Variants in AFG2B observed in about 807,000 individuals in gnomAD.
AFG2B encodes the protein AAA ATPase AFG2B, also known as ATPase family gene 2 protein homolog B.
the AFG2B span, chr15:45,414,676 C>G: frequency 6.2e-7 from 1 of 1,614,166 alleles, no homozygotes. Context: ...TAAAACCACT[C>G]TGGTGAGGGC....
the AFG2B span, chr15:45,407,274 T>C: frequency 8.6e-7 from 1 of 1,166,162 alleles, no homozygotes; most frequent in East Asian, 5.9e-5. Context: ...GGGCTGCTGC[T>C]ACCTCTCCCT....
At chr15:45,418,914 G>A in the AFG2B span, among the ~76,000 whole-genome samples, 16 of 152,110 alleles carry the variant, frequency 1.1e-4, no homozygotes, top group African/African-American at 3.4e-4. Context: ...AGTGAGTTGC[G>A]GAAGTAGAGG....
At chr15:45,417,451 C>CT in the AFG2B span, 1 of 1,600,996 alleles carries the variant, frequency 6.2e-7, no homozygotes, top group Non-Finnish European at 8.5e-7. Flanking sequence ...TGAATTCCAA[C>CT]TTGGATATAG....
At chr15:45,417,945 A>G in the AFG2B span, among the ~76,000 whole-genome samples, 2 of 152,202 alleles carry the variant, frequency 1.3e-5, no homozygotes, top group Non-Finnish European at 2.9e-5. Flanking sequence ...TCAAGTTTTG[A>G]AGGGATAGAA....
At chr15:45,420,515 C>G in the AFG2B span, among the ~76,000 whole-genome samples, 1 of 152,134 alleles carries the variant, frequency 6.6e-6, no homozygotes, top group Non-Finnish European at 1.5e-5. Context: ...CCTTTTCTTT[C>G]TTCTCATTTA....
the AFG2B span, among the ~76,000 whole-genome samples, chr15:45,418,378 T>G: frequency 6.6e-6 from 1 of 151,866 alleles, no homozygotes; most frequent in Non-Finnish European, 1.5e-5. Context: ...CATAAGTTTT[T>G]TATGATGTCG....
chr15:45,418,606 C>T, the AFG2B span: 9 of 1,613,854 alleles, frequency 5.6e-6, no homozygotes, highest in African/African-American at 1.1e-4. Context: ...CCAATAGGGC[C>T]TGATGTCTCC....
At chr15:45,402,554 G>T in the AFG2B span, 3 of 1,586,300 alleles carry the variant, frequency 1.9e-6, no homozygotes, top group Non-Finnish European at 2.6e-6. Flanking sequence ...CTGGGCGCGC[G>T]CTTGGGCTCG....
At chr15:45,415,675 C>T in the AFG2B span, 1 of 1,614,066 alleles carries the variant, frequency 6.2e-7, no homozygotes, top group East Asian at 2.2e-5. Context: ...GCCAGCAAGA[C>T]AGGATGTGAT....
the AFG2B span, among the ~76,000 whole-genome samples, chr15:45,403,882 TC>T: frequency 1.3e-5 from 2 of 152,198 alleles, no homozygotes; most frequent in East Asian, 3.8e-4. Context: ...CGTGTTAAAC[TC>T]ATTTTTTGGA....
At chr15:45,412,301 T>C in the AFG2B span, among the ~76,000 whole-genome samples, 1 of 152,048 alleles carries the variant, frequency 6.6e-6, no homozygotes, top group East Asian at 1.9e-4. Flanking sequence ...CTGGGAAGGC[T>C]GAGGCAGGAG....
chr15:45,413,073 T>A, the AFG2B span, among the ~76,000 whole-genome samples: 1 of 152,232 alleles, frequency 6.6e-6, no homozygotes, highest in South Asian at 2.1e-4. Context: ...CATTGTCTCA[T>A]TTAATGTTCA....
the AFG2B span, among the ~76,000 whole-genome samples, chr15:45,419,328 G>T: frequency 2.0e-5 from 3 of 152,008 alleles, no homozygotes; most frequent in Non-Finnish European, 4.4e-5. Context: ...TCCCAGCTAC[G>T]TGGGGGACTA....
At chr15:45,410,937 C>A in the AFG2B span, among the ~76,000 whole-genome samples, 1 of 152,124 alleles carries the variant, frequency 6.6e-6, no homozygotes, top group South Asian at 2.1e-4. Context: ...CGCAGTGGCT[C>A]ATACCTATAA....
chr15:45,412,704 T>C, the AFG2B span, among the ~76,000 whole-genome samples: 1 of 152,174 alleles, frequency 6.6e-6, no homozygotes, highest in Non-Finnish European at 1.5e-5. Flanking sequence ...AAGGCCTTAG[T>C]TTGCCTGGAT....
the AFG2B span, among the ~76,000 whole-genome samples, chr15:45,410,108 A>G: frequency 1.2e-4 from 19 of 152,306 alleles, no homozygotes; most frequent in Admixed American, 2.6e-4. Context: ...CCATTTGTGT[A>G]TCTGTTTAAA....
chr15:45,419,582 G>A, the AFG2B span, among the ~76,000 whole-genome samples: 4 of 152,042 alleles, frequency 2.6e-5, no homozygotes, highest in East Asian at 5.8e-4. Flanking sequence ...AAAAATGCAC[G>A]GATCATAAGG....
the AFG2B span, chr15:45,417,441 T>TG: frequency 6.2e-7 from 1 of 1,605,736 alleles, no homozygotes; most frequent in Non-Finnish European, 8.5e-7. Context: ...TCAGCAGAAT[T>TG]GAATTCCAAC....
the AFG2B span, chr15:45,415,508 A>C: frequency 8.3e-6 from 11 of 1,326,518 alleles, no homozygotes; most frequent in East Asian, 1.5e-4. Context: ...AAAAAAAAAA[A>C]AAAACAGGAT....
Sources: allele counts gnomAD v4.1 joint callset (sites outside exome capture counted in the v4.1 genomes callset), GRCh38; gene constraint gnomAD v4.1.1; transcripts MANE v1.5; gene names NCBI Gene and HGNC (gene_info 2026-07-23, HGNC 2026-07-21).